Variants in CCDC30 observed in about 807,000 individuals in gnomAD.
CCDC30 encodes coiled-coil domain-containing protein 30.
CCDC30 carries 70 observed loss-of-function variants against 100.2 expected under a neutral mutation model. The ratio of observed to expected loss-of-function variants is 0.70; its 90% CI spans 0.58 to 0.85. The LOEUF (loss-of-function observed/expected upper bound fraction) is 0.85, where lower values mean the gene tolerates loss of function less well. Ranked by LOEUF, CCDC30 falls within the 40% of genes least tolerant of loss-of-function variation. The pLI is 0.00. For missense variants in CCDC30, 652 were observed against 771.2 expected, an observed-to-expected ratio of 0.85 and a Z score of 1.83; for synonymous variants, 233 against 269.5, an observed-to-expected ratio of 0.86 and a Z score of 1.33.
At chr1:42,571,779 G>A (rs1251832145) in intron 7 of CCDC30, among the ~76,000 whole-genome samples, 1 of 152,100 alleles carries the variant, frequency 6.6e-6, no homozygotes, top group Non-Finnish European at 1.5e-5. Flanking sequence ...TTTGGAAATG[G>A]CATTTCTGGT....
chr1:42,636,880 C>T lies in CCDC30; in HGVS notation c.1278-357C>T, dbSNP rs904743472. On this transcript the variant is annotated intron_variant, in intron 11 of 16. Coordinates refer to ENST00000668663, the Ensembl canonical transcript of CCDC30. ...ACTCGGGAGGCTGAAGCAGGAGAAT[C>T]GCTTGAACCCAGGAGGTGGAGGTTG... 3.3e-4 allele frequency among the ~76,000 whole-genome samples: 47 copies of T among 143,696 alleles called. 1 individual carries two copies. Among genetic ancestry groups the T allele is most frequent in the Non-Finnish European group, 1.2e-4 (8 of 66,596 alleles). 94.3% of individuals were successfully genotyped at this position (143,696 alleles called of 152,430 possible).
chr1:42,640,599 A>C (rs1313949923), intron 12 of CCDC30, among the ~76,000 whole-genome samples: 1 of 152,178 alleles, frequency 6.6e-6, no homozygotes, highest in East Asian at 1.9e-4. Flanking sequence ...CAGGTCTTTA[A>C]TAATAGATGG....
At chr1:42,584,630 T>C (rs1006773663) in intron 9 of CCDC30, among the ~76,000 whole-genome samples, 8 of 152,176 alleles carry the variant, frequency 5.3e-5, no homozygotes, top group African/African-American at 1.9e-4. Flanking sequence ...TTCGCTGTTA[T>C]TATAATATTG....
chr1:42,621,956 A>G (rs1370882213), intron 11 of CCDC30, among the ~76,000 whole-genome samples: 1 of 152,044 alleles, frequency 6.6e-6, no homozygotes, highest in African/African-American at 2.4e-5. Context: ...CTGTTTCTTT[A>G]GTTATTTTTA....
intron 6 of CCDC30, among the ~76,000 whole-genome samples, chr1:42,550,342 G>A (rs1247911450): frequency 1.3e-5 from 2 of 152,106 alleles, no homozygotes; most frequent in East Asian, 3.9e-4. Flanking sequence ...CCATGGAGTA[G>A]CCAAATGGTC....
chr1:42,635,176 C>T (rs1390345775), intron 11 of CCDC30, among the ~76,000 whole-genome samples: 1 of 152,104 alleles, frequency 6.6e-6, no homozygotes, highest in Admixed American at 6.6e-5. Context: ...CTGCCTCAGC[C>T]TCCTGAATAC....
downstream of CCDC30, among the ~76,000 whole-genome samples, chr1:42,656,202 G>A (rs1648652971): frequency 6.6e-6 from 1 of 152,116 alleles, no homozygotes; most frequent in Non-Finnish European, 1.5e-5. Flanking sequence ...AGATTATGCT[G>A]TGTTGAAGGT....
chr1:42,546,399 AATATATATATATATATATATAT>A lies in CCDC30; in HGVS notation c.457-19875_457-19854del, dbSNP rs66804938. Among the ~76,000 whole-genome samples the A allele has an allele frequency of 1.6e-3, 19 of 11,988 alleles. 3 individuals are homozygous for A. The highest frequency in any genetic ancestry group is 3.9e-3 in the African/African-American group (19 of 4,926). 7.9% of individuals were successfully genotyped at this position (11,988 alleles called of 152,430 possible). ...AAATTCTGTCTCAAAAAAAAAAAAA[AATATATATATATATATATATAT>A]ATATATATATATATATATATAGTAT... is the stretch of plus-strand genomic sequence containing the variant. On this transcript the variant is annotated intron_variant, in intron 6 of 16. Coordinates refer to ENST00000668663, the Ensembl canonical transcript of CCDC30.
chr1:42,651,762 T>G (rs552794592), intron 15 of CCDC30, among the ~76,000 whole-genome samples: 31 of 152,242 alleles, frequency 2.0e-4, no homozygotes, highest in African/African-American at 6.7e-4. Context: ...TGGTTGTAGC[T>G]TCTCAGGAGG....
exon 9 of CCDC30, chr1:42,581,368 C>G (rs753668559): frequency 7.5e-6 from 12 of 1,596,732 alleles, no homozygotes; most frequent in Non-Finnish European, 1.0e-5. Context: ...AGATTTTGGA[C>G]CTGCAGCGGA....
chr1:42,561,190 C>T (rs369045296), intron 6 of CCDC30, among the ~76,000 whole-genome samples: 14 of 152,232 alleles, frequency 9.2e-5, no homozygotes, highest in African/African-American at 3.4e-4. Context: ...TGATGAACAT[C>T]GATGCAAAAA....
chr1:42,548,076 C>T (rs933649399), intron 6 of CCDC30, among the ~76,000 whole-genome samples: 2 of 151,998 alleles, frequency 1.3e-5, no homozygotes, highest in Non-Finnish European at 2.9e-5. Context: ...TGTTTGAGGC[C>T]CTAAAAGTGA....
chr1:42,609,768 A>G (rs1443929953), intron 10 of CCDC30, among the ~76,000 whole-genome samples: 2 of 152,094 alleles, frequency 1.3e-5, no homozygotes, highest in Non-Finnish European at 2.9e-5. Flanking sequence ...GGTGAAATCA[A>G]TACAGAATCT....
intron 6 of CCDC30, among the ~76,000 whole-genome samples, 162 bp downstream of exon 10, chr1:42,556,567 C>T (rs567350744): frequency 7.9e-5 from 12 of 152,106 alleles, no homozygotes; most frequent in African/African-American, 2.9e-4. Flanking sequence ...TGTTTTAATA[C>T]AGGTATACAA....
At chr1:42,610,024 T>G (rs2148640037) in intron 10 of CCDC30, among the ~76,000 whole-genome samples, 1 of 152,328 alleles carries the variant, frequency 6.6e-6, no homozygotes, top group South Asian at 2.1e-4. Context: ...AGATCTGTGG[T>G]TCTCAGACAA....
chr1:42,601,509 T>G (rs1646403848), intron 10 of CCDC30, among the ~76,000 whole-genome samples: 2 of 152,112 alleles, frequency 1.3e-5, no homozygotes, highest in Admixed American at 1.3e-4. Flanking sequence ...CTAGCTAACC[T>G]TCCCACATAG....
At chr1:42,541,601 C>T (rs1200685519) in intron 6 of CCDC30, among the ~76,000 whole-genome samples, 1 of 152,194 alleles carries the variant, frequency 6.6e-6, no homozygotes, top group African/African-American at 2.4e-5. Context: ...GGTTAAGGTA[C>T]TGTCTGCTAG....
chr1:42,565,456 T>C (rs1570082618), intron 6 of CCDC30, among the ~76,000 whole-genome samples: 1 of 152,190 alleles, frequency 6.6e-6, no homozygotes, highest in Non-Finnish European at 1.5e-5. Context: ...TCGTGAATTA[T>C]TAGGGAAATG....
chr1:42,556,520 T>A, intron 6 of CCDC30, 115 bp downstream of exon 10: 1 of 1,157,732 alleles, frequency 8.6e-7, no homozygotes, highest in Non-Finnish European at 1.2e-6. Flanking sequence ...TTTTTTTAGG[T>A]ACATAGTAGA....
Sources: gnomAD v4.1 joint callset for allele counts (sites outside exome capture counted in the v4.1 genomes callset) on GRCh38, gnomAD v4.1.1 for gene constraint, MANE v1.5 for transcripts, NCBI Gene and HGNC (gene_info 2026-07-23, HGNC 2026-07-21) for gene names.